MTFR1: variants seen among roughly 807,000 people sequenced by gnomAD.
The protein encoded by MTFR1 is mitochondrial fission regulator 1.
MTFR1 carries 28 observed loss-of-function variants against 38.8 expected under a neutral mutation model. The observed-to-expected ratio is 0.72, with a 90% CI of 0.53 to 0.99. The LOEUF (loss-of-function observed/expected upper bound fraction) is 0.99, where lower values mean the gene tolerates loss of function less well. MTFR1 is among the 50% of genes least tolerant of loss of function. The probability of loss-of-function intolerance (pLI) is 0.00; values close to 1 mark genes in which losing one functional copy is unlikely to be tolerated. For missense variants in MTFR1, 358 were observed against 395.5 expected, an observed-to-expected ratio of 0.91 and a Z score of 0.81; for synonymous variants, 145 against 137.0, an observed-to-expected ratio of 1.06 and a Z score of -0.41.
At chr8:65,767,167 G>A (rs79278225) in intron 3 of MTFR1, among the ~76,000 whole-genome samples, 4,631 of 152,240 alleles carry the variant, frequency 0.03, 169 homozygotes, top group African/African-American at 0.089. Context: ...ACACAGGATT[G>A]CATGCACAGC....
chr8:65,688,952 C>T (rs1805188545), intron 3 of MTFR1, among the ~76,000 whole-genome samples: 1 of 151,830 alleles, frequency 6.6e-6, no homozygotes, highest in Non-Finnish European at 1.5e-5. Flanking sequence ...CAAGACCACC[C>T]TGGTCAACAT....
chr8:65,760,058 G>A (rs1052641103), intron 3 of MTFR1, among the ~76,000 whole-genome samples: 3 of 152,008 alleles, frequency 2.0e-5, no homozygotes, highest in Non-Finnish European at 4.4e-5. Context: ...TGGCTAATAT[G>A]GTGAAACCCC....
chr8:65,710,256 T>TTAAG lies in MTFR1; in HGVS notation c.*1214_*1217dup, dbSNP rs969312967. ...AGGAGATGGGAGTAGAGATTCACTT[T>TTAAG]TAAGTTCTTGAAAATATATGCATTC... On this transcript the variant is annotated 3_prime_UTR_variant, in exon 8 of 8. Coordinates refer to ENST00000262146, the MANE Select transcript of MTFR1 (RefSeq NM_014637.4). The TTAAG allele has an allele frequency of 7.2e-5, 11 of 152,200 alleles. No homozygotes were observed. The highest frequency in any genetic ancestry group is 1.2e-4 in the Non-Finnish European group (8 of 68,020). The allele number at this position is 152,200 out of a possible 1,614,324, so 9.4% of individuals were successfully genotyped here.
chr8:65,645,601 C>CT (rs1458590423), intron 1 of MTFR1, among the ~76,000 whole-genome samples: 1 of 151,794 alleles, frequency 6.6e-6, no homozygotes, highest in African/African-American at 2.4e-5. Context: ...TCTCTACCCA[C>CT]TGCAGCCTCC....
chr8:65,693,690 A>C lies in MTFR1; in HGVS notation c.212A>C (p.Asp71Ala). ...TGGAGTCCCAGCCACCCAGGAGAGG[A>C]TGCAGTGGCGTCTTTTGCTGATGTT... ...TEWSPSHPGE[D>A]AVASFADVGW... The change falls in exon 4 of 8, where the codon GAT becomes GCT. Residue 71 changes from aspartate to alanine, a missense_variant. Transcript: ENST00000262146. The C allele has an allele frequency of 6.2e-7, 1 of 1,614,162 alleles. No individual in the cohort carries two copies. The highest frequency in any genetic ancestry group is 8.5e-7 in the Non-Finnish European group (1 of 1,180,014).
chr8:65,754,917 A>G (rs1808151958), intron 3 of MTFR1, among the ~76,000 whole-genome samples: 1 of 150,088 alleles, frequency 6.7e-6, no homozygotes, highest in Non-Finnish European at 1.5e-5. Flanking sequence ...GTGAGCCGAG[A>G]TCGCGCCACT....
chr8:65,662,242 C>T (rs1190225884), intron 1 of MTFR1, among the ~76,000 whole-genome samples: 2 of 152,092 alleles, frequency 1.3e-5, no homozygotes, highest in South Asian at 4.2e-4. Context: ...CGATTGCAGG[C>T]GCGCGCCGCC....
intron 3 of MTFR1, among the ~76,000 whole-genome samples, chr8:65,744,238 C>CA (rs564925714): frequency 7.6e-4 from 112 of 146,678 alleles, no homozygotes; most frequent in South Asian, 3.9e-3. Context: ...AACAAAACAA[C>CA]AAAAAAAAAC....
At chr8:65,739,892 T>C (rs1007309440) in intron 3 of MTFR1, among the ~76,000 whole-genome samples, 2 of 152,088 alleles carry the variant, frequency 1.3e-5, no homozygotes, top group Admixed American at 6.5e-5. Flanking sequence ...GAATAGACAA[T>C]AGAAAACTTT....
At chr8:65,644,026 A>G (rs1808883343), upstream of MTFR1, among the ~76,000 whole-genome samples, 1 of 152,220 alleles carries the variant, frequency 6.6e-6, no homozygotes, top group South Asian at 2.1e-4. Flanking sequence ...CCATACAAAA[A>G]TACGGACAGG....
At chr8:65,742,234 C>T (rs1349773327) in intron 3 of MTFR1, among the ~76,000 whole-genome samples, 1 of 152,154 alleles carries the variant, frequency 6.6e-6, no homozygotes, top group East Asian at 1.9e-4. Flanking sequence ...GAGTGGTCCT[C>T]AATCATTTTT....
intron 3 of MTFR1, 28 bp downstream of exon 3, chr8:65,682,479 T>C: frequency 8.7e-7 from 1 of 1,147,228 alleles, no homozygotes; most frequent in Non-Finnish European, 1.2e-6. Flanking sequence ...TTTTAAGTAT[T>C]TTATTAATAT....
chr8:65,659,487 A>G (rs567284450), intron 1 of MTFR1, among the ~76,000 whole-genome samples: 2 of 148,712 alleles, frequency 1.3e-5, no homozygotes, highest in African/African-American at 5.0e-5. Flanking sequence ...ACTCCCCCAT[A>G]GGCTGGGGTC....
chr8:65,714,885 G>C (rs1257891394), downstream of MTFR1: 10 of 151,924 alleles, frequency 6.6e-5, no homozygotes. Context: ...GTTTGCAAAG[G>C]ACATAAAATA....
chr8:65,675,848 AACTACATGCTCACAT>A (rs1327146214), intron 2 of MTFR1, among the ~76,000 whole-genome samples: 1 of 152,190 alleles, frequency 6.6e-6, no homozygotes, highest in Non-Finnish European at 1.5e-5. Context: ...TTGAATTTAA[AACTACATGCTCACAT>A]ATCTCCAAAC....
chr8:65,759,860 AT>A (rs201184630), intron 3 of MTFR1, among the ~76,000 whole-genome samples: 16 of 150,342 alleles, frequency 1.1e-4, no homozygotes, highest in South Asian at 6.3e-4. Context: ...GGTACTCTAG[AT>A]TTTTTTTTTA....
intron 3 of MTFR1, among the ~76,000 whole-genome samples, chr8:65,745,966 C>T (rs1291235418): frequency 6.8e-6 from 1 of 147,566 alleles, no homozygotes; most frequent in South Asian, 2.1e-4. Context: ...CACTCACTGT[C>T]ACCAAGGCTG....
chr8:65,702,774 G>C (rs1480810800), intron 4 of MTFR1, among the ~76,000 whole-genome samples: 1 of 152,026 alleles, frequency 6.6e-6, no homozygotes, highest in African/African-American at 2.4e-5. Flanking sequence ...TGAGGGGACA[G>C]GACCCCAGAG....
chr8:65,736,630 A>G lies in MTFR1; in HGVS notation c.*48+17149A>G, dbSNP rs529487293. Among the ~76,000 whole-genome samples, 5 of 151,950 alleles carry G rather than the reference A, an allele frequency of 3.3e-5. No individual in the cohort carries two copies. In the East Asian group the frequency reaches 5.9e-4, roughly 18 times the overall value. ...GTCTGGTGTGGTGGTGCACACCTAT[A>G]TTCCTAGCTACTCGGGAGGCTGAGG... is the stretch of plus-strand genomic sequence containing the variant. On this transcript the variant is annotated intron_variant, in intron 3 of 3. Transcript: ENST00000521247.
Sources: gnomAD v4.1 joint callset for allele counts (sites outside exome capture counted in the v4.1 genomes callset) on GRCh38, gnomAD v4.1.1 for gene constraint, MANE v1.5 for transcripts, NCBI Gene and HGNC (gene_info 2026-07-23, HGNC 2026-07-21) for gene names.